DSCAM: variants seen among roughly 807,000 people sequenced by gnomAD.
DSCAM encodes the protein DS cell adhesion molecule.
A neutral mutation model predicts 217.7 loss-of-function variants in DSCAM; 47 were observed. That is an observed-to-expected ratio of 0.22 (90% CI 0.17 to 0.28). The LOEUF (loss-of-function observed/expected upper bound fraction) is 0.28. Among genes scored for constraint, DSCAM ranks in the 10% least tolerant of loss-of-function variants. The pLI, the probability that DSCAM is intolerant of heterozygous loss-of-function variation, is 1.00. For missense variants in DSCAM, 2,080 were observed against 2,618.3 expected, an observed-to-expected ratio of 0.79 and a Z score of 4.49; for synonymous variants, 1,056 against 1,015.3, an observed-to-expected ratio of 1.04 and a Z score of -0.76.
rs549728128 is a variant in DSCAM, at chr21:40,057,627, T to C, written c.4920-1787A>G. 3.3e-3 allele frequency among the ~76,000 whole-genome samples: 510 copies of C among 152,270 alleles called. 5 individuals are homozygous for C. Among genetic ancestry groups the C allele is most frequent in the African/African-American group, 0.012 (491 of 41,546 alleles). ...CAACAATAAGGGGTCTGCTACCAGA[T>C]TGCCACAGGAAGCAGGCTAAATAAT... On this transcript the variant is annotated intron_variant, in intron 28 of 32. Coordinates refer to ENST00000400454, the MANE Select transcript of DSCAM (RefSeq NM_001389.5).
intron 11 of DSCAM, among the ~76,000 whole-genome samples, chr21:40,252,956 A>G (rs1224641160): frequency 1.3e-5 from 2 of 152,212 alleles, no homozygotes; most frequent in Non-Finnish European, 2.9e-5. Context: ...CTGAGAACGT[A>G]TCACTCACAG....
intron 3 of DSCAM, among the ~76,000 whole-genome samples, chr21:40,546,803 A>G (rs573517786): frequency 6.6e-6 from 1 of 152,200 alleles, no homozygotes; most frequent in Non-Finnish European, 1.5e-5. Context: ...GCCTCACCCC[A>G]AAACCCATAG....
intron 18 of DSCAM, among the ~76,000 whole-genome samples, chr21:40,135,941 C>A (rs1003562635): frequency 2.6e-5 from 4 of 152,222 alleles, no homozygotes; most frequent in Admixed American, 1.3e-4. Flanking sequence ...GGTAAAGGGG[C>A]TCCATGTGGC....
At chr21:40,065,094 A>T (rs2089186879) in intron 27 of DSCAM, among the ~76,000 whole-genome samples, 1 of 152,144 alleles carries the variant, frequency 6.6e-6, no homozygotes, top group Non-Finnish European at 1.5e-5. Flanking sequence ...TACGAATCAG[A>T]GTCCTACCAG....
In DSCAM at chr21:40,095,260, C is replaced by T. The variant is rs536927044; in HGVS notation, c.3697-1386G>A. On this transcript the variant is annotated intron_variant, in intron 20 of 32. Transcript: ENST00000400454. Reference sequence around the variant, plus strand: ...CTGCCCTCATGATTCAATTATCTCCCACCAGGTCTCTCCCACAACACATGG... The same window carrying T: ...CTGCCCTCATGATTCAATTATCTCCTACCAGGTCTCTCCCACAACACATGG... Among the ~76,000 whole-genome samples the T allele has an allele frequency of 3.3e-5, 5 of 152,296 alleles. No homozygotes were observed. The South Asian group carries it at 8.3e-4, about 25-fold the overall frequency.
chr21:40,019,122 C>T (rs1312216895), intron 32 of DSCAM, among the ~76,000 whole-genome samples: 1 of 152,242 alleles, frequency 6.6e-6, no homozygotes, highest in East Asian at 1.9e-4. Context: ...ATGTGCTCAT[C>T]AACAAAGCCT....
chr21:40,166,417 C>A (rs572765814), intron 16 of DSCAM, among the ~76,000 whole-genome samples: 1 of 152,196 alleles, frequency 6.6e-6, no homozygotes, highest in African/African-American at 2.4e-5. Flanking sequence ...TAAGACAGAG[C>A]CATCTCCAAG....
chr21:40,336,732 G>T (rs2074433197), intron 8 of DSCAM, among the ~76,000 whole-genome samples: 1 of 152,160 alleles, frequency 6.6e-6, no homozygotes, highest in Non-Finnish European at 1.5e-5. Flanking sequence ...GGTGTTTTCT[G>T]GTTTATTCAC....
chr21:40,754,539 C>G (rs1426529368), intron 1 of DSCAM, among the ~76,000 whole-genome samples: 1 of 152,166 alleles, frequency 6.6e-6, no homozygotes, highest in Non-Finnish European at 1.5e-5. Context: ...AGAGCAGGAC[C>G]CTGCCTCAGT....
intron 11 of DSCAM, among the ~76,000 whole-genome samples, chr21:40,271,176 C>T (rs1043234238): frequency 1.3e-5 from 2 of 152,218 alleles, no homozygotes; most frequent in Admixed American, 6.5e-5. Context: ...CAGCGACCCA[C>T]AGACCTTCCT....
At chr21:40,196,049 G>C (rs1448027207) in intron 11 of DSCAM, among the ~76,000 whole-genome samples, 2 of 152,226 alleles carry the variant, frequency 1.3e-5, no homozygotes, top group African/African-American at 4.8e-5. Context: ...GGGTCTCAAA[G>C]GTCGAGCTGT....
chr21:40,293,027 C>T (rs2073913116), intron 10 of DSCAM, among the ~76,000 whole-genome samples: 1 of 152,186 alleles, frequency 6.6e-6, no homozygotes, highest in South Asian at 2.1e-4. Context: ...TGAGCCACTG[C>T]ACTTGGCCCA....
At chr21:40,265,271 A>C (rs561756768) in intron 11 of DSCAM, among the ~76,000 whole-genome samples, 1 of 152,030 alleles carries the variant, frequency 6.6e-6, no homozygotes, top group Admixed American at 6.6e-5. Context: ...TTTTTAAAAC[A>C]CTTAATAAAT....
chr21:40,338,461 A>C, intron 7 of DSCAM, 85 bp from the exon 8 acceptor site: 1 of 1,374,226 alleles, frequency 7.3e-7, no homozygotes. Flanking sequence ...TTGAGTTAAA[A>C]ATGTAGATTA....
intron 3 of DSCAM, among the ~76,000 whole-genome samples, chr21:40,394,449 C>T (rs1428920978): frequency 6.6e-6 from 1 of 152,138 alleles, no homozygotes; most frequent in Non-Finnish European, 1.5e-5. Flanking sequence ...GAATATGAAC[C>T]TGCACTCAAC....
intron 3 of DSCAM, among the ~76,000 whole-genome samples, chr21:40,667,769 G>C (rs1232753424): frequency 1.1e-4 from 17 of 152,044 alleles, no homozygotes; most frequent in Admixed American, 1.1e-3. Context: ...TGTTTGCTTT[G>C]TTTTCTGCCA....
intron 3 of DSCAM, among the ~76,000 whole-genome samples, chr21:40,484,698 G>A (rs921717826): frequency 6.6e-6 from 1 of 152,144 alleles, no homozygotes; most frequent in African/African-American, 2.4e-5. Flanking sequence ...GCTTGCATGA[G>A]GCCAAGCATA....
chr21:40,672,287 A>C (rs1018420550), intron 3 of DSCAM, among the ~76,000 whole-genome samples: 8 of 152,168 alleles, frequency 5.3e-5, no homozygotes, highest in Non-Finnish European at 1.2e-4. Context: ...GTTTAGCTTA[A>C]GTAAATTTAG....
chr21:40,571,438 T>C (rs1232914114), intron 3 of DSCAM, among the ~76,000 whole-genome samples: 1 of 152,168 alleles, frequency 6.6e-6, no homozygotes, highest in Non-Finnish European at 1.5e-5. Flanking sequence ...ATCTAATATG[T>C]ATCAGTTTAA....
Sources: gnomAD v4.1 joint callset for allele counts (sites outside exome capture counted in the v4.1 genomes callset) on GRCh38, gnomAD v4.1.1 for gene constraint, MANE v1.5 for transcripts, NCBI Gene and HGNC (gene_info 2026-07-23, HGNC 2026-07-21) for gene names.